The following XYLT1 variants were observed in gnomAD, a reference collection of about 807,000 sequenced individuals.
XYLT1 encodes the protein beta-D-xylosyltransferase 1.
In XYLT1, 36 loss-of-function variants were observed where a neutral mutation model predicts 91.3. The ratio of observed to expected loss-of-function variants is 0.39; its 90% CI spans 0.30 to 0.52. The LOEUF (loss-of-function observed/expected upper bound fraction) is 0.52, where lower values mean the gene tolerates loss of function less well. Ranked by LOEUF, XYLT1 falls within the 20% of genes least tolerant of loss-of-function variation. The pLI is 0.68. For synonymous variants in XYLT1, 588 were observed against 532.0 expected, an observed-to-expected ratio of 1.11 and a Z score of -1.45; for missense variants, 1,242 against 1,284.5, an observed-to-expected ratio of 0.97 and a Z score of 0.51.
chr16:17,328,944 G>T (rs1311059009), intron 2 of XYLT1, among the ~76,000 whole-genome samples: 2 of 152,240 alleles, frequency 1.3e-5, no homozygotes, highest in African/African-American at 4.8e-5. Flanking sequence ...AGGTATGCGT[G>T]TGTGCATGTT....
At chr16:17,339,147 C>G (rs1341706218) in intron 2 of XYLT1, among the ~76,000 whole-genome samples, 1 of 152,184 alleles carries the variant, frequency 6.6e-6, no homozygotes, top group Non-Finnish European at 1.5e-5. Flanking sequence ...ATTTCTCTCT[C>G]CATCTAGCCC....
intron 3 of XYLT1, among the ~76,000 whole-genome samples, chr16:17,257,154 G>A (rs1358133464): frequency 6.6e-6 from 1 of 152,222 alleles, no homozygotes; most frequent in Admixed American, 6.5e-5. Flanking sequence ...CTTTGTGAGG[G>A]ACAGCTGGGC....
chr16:17,452,305 CTTTTTTT>C (rs35177574), intron 1 of XYLT1, among the ~76,000 whole-genome samples: 16 of 131,676 alleles, frequency 1.2e-4, no homozygotes, highest in South Asian at 2.4e-4. Context: ...CAGTTTTTTT[CTTTTTTT>C]TTTTTTTTTT....
intron 1 of XYLT1, among the ~76,000 whole-genome samples, chr16:17,448,245 A>C (rs1403495239): frequency 6.6e-6 from 1 of 152,140 alleles, no homozygotes; most frequent in African/African-American, 2.4e-5. Flanking sequence ...GCACATGCCT[A>C]AAATCCCAGC....
intron 1 of XYLT1, among the ~76,000 whole-genome samples, chr16:17,455,142 G>C (rs909193467): frequency 6.6e-6 from 1 of 152,094 alleles, no homozygotes; most frequent in Admixed American, 6.5e-5. Flanking sequence ...TAGAAGTCAC[G>C]ATAGAGACCC....
At chr16:17,435,908 G>C (rs1395676173) in intron 1 of XYLT1, among the ~76,000 whole-genome samples, 2 of 152,204 alleles carry the variant, frequency 1.3e-5, no homozygotes, top group African/African-American at 4.8e-5. Context: ...GGAAGTAGTA[G>C]TAATGTCTCC....
chr16:17,376,630 C>A (rs1401320330), intron 1 of XYLT1, among the ~76,000 whole-genome samples: 1 of 151,980 alleles, frequency 6.6e-6, no homozygotes, highest in African/African-American at 2.4e-5. Flanking sequence ...AGTTCAAGAC[C>A]GGCCTGACCA....
intron 1 of XYLT1, among the ~76,000 whole-genome samples, chr16:17,457,277 C>T (rs576223894): frequency 6.6e-6 from 1 of 152,342 alleles, no homozygotes; most frequent in African/African-American, 2.4e-5. Flanking sequence ...ACTCACAAAG[C>T]TCTAGGTTTC....
intron 1 of XYLT1, among the ~76,000 whole-genome samples, chr16:17,414,695 G>C (rs998178491): frequency 6.6e-6 from 1 of 152,098 alleles, no homozygotes; most frequent in Non-Finnish European, 1.5e-5. Flanking sequence ...GAGGAGTGGC[G>C]AGTGTCCTGG....
chr16:17,202,034 C>T (rs181437747), intron 3 of XYLT1, among the ~76,000 whole-genome samples: 4 of 152,176 alleles, frequency 2.6e-5, no homozygotes, highest in South Asian at 4.2e-4. Context: ...TATTTTATTC[C>T]GAAAATCAGC....
At chr16:17,330,559 G>A (rs1273078664) in intron 2 of XYLT1, among the ~76,000 whole-genome samples, 1 of 152,016 alleles carries the variant, frequency 6.6e-6, no homozygotes, top group Non-Finnish European at 1.5e-5. Context: ...GGCCGAGGCA[G>A]GCAGATCTCC....
chr16:17,360,899 C>T (rs1203329557), intron 1 of XYLT1, among the ~76,000 whole-genome samples: 1 of 152,198 alleles, frequency 6.6e-6, no homozygotes, highest in Non-Finnish European at 1.5e-5. Flanking sequence ...CTTTTAGAAT[C>T]TTAATGCCGG....
At chr16:17,190,857 C>CA (rs557958411) in intron 5 of XYLT1, among the ~76,000 whole-genome samples, 21 of 150,354 alleles carry the variant, frequency 1.4e-4, no homozygotes, top group Non-Finnish European at 2.4e-4. Flanking sequence ...ACCTCAGTTT[C>CA]AAAAAAAAAG....
chr16:17,162,953 T>C (rs545739953), intron 5 of XYLT1, among the ~76,000 whole-genome samples: 1 of 152,322 alleles, frequency 6.6e-6, no homozygotes, highest in South Asian at 2.1e-4. Flanking sequence ...CTTGAGAGTA[T>C]TAAATAAAAA....
intron 1 of XYLT1, among the ~76,000 whole-genome samples, chr16:17,470,026 T>C (rs2036960996): frequency 6.6e-6 from 1 of 152,060 alleles, no homozygotes; most frequent in Non-Finnish European, 1.5e-5. Flanking sequence ...GAGATGCTGC[T>C]GCGACAACCG....
chr16:17,288,585 C>T (rs994168354), intron 2 of XYLT1, among the ~76,000 whole-genome samples: 2 of 152,306 alleles, frequency 1.3e-5, no homozygotes, highest in East Asian at 3.9e-4. Flanking sequence ...CTTGTCCATA[C>T]CTTGAATATG....
At chr16:17,273,487 G>A (rs2033925527) in intron 2 of XYLT1, among the ~76,000 whole-genome samples, 3 of 152,186 alleles carry the variant, frequency 2.0e-5, no homozygotes, top group African/African-American at 7.2e-5. Flanking sequence ...GCCCCAGCCT[G>A]GACCACAGGA....
chr16:17,246,333 C>T (rs2033435219), intron 3 of XYLT1, among the ~76,000 whole-genome samples: 1 of 152,178 alleles, frequency 6.6e-6, no homozygotes, highest in Admixed American at 6.5e-5. Flanking sequence ...CCTTAGCTCC[C>T]TGTTCTTTCT....
chr16:17,273,152 T>A (rs569763443), intron 2 of XYLT1, among the ~76,000 whole-genome samples: 13 of 152,256 alleles, frequency 8.5e-5, no homozygotes, highest in Admixed American at 6.5e-5. Flanking sequence ...GATTTACATA[T>A]GATACAACAT....
Sources: gnomAD v4.1 joint callset for allele counts (sites outside exome capture counted in the v4.1 genomes callset) on GRCh38, gnomAD v4.1.1 for gene constraint, MANE v1.5 for transcripts, NCBI Gene and HGNC (gene_info 2026-07-23, HGNC 2026-07-21) for gene names.